Variants in SDK1 observed in about 807,000 individuals in gnomAD.
The protein encoded by SDK1 is protein sidekick-1.
A neutral mutation model predicts 245.5 loss-of-function variants in SDK1; 157 were observed. That is an observed-to-expected ratio of 0.64 (90% CI 0.56 to 0.73). The LOEUF (loss-of-function observed/expected upper bound fraction) is 0.73, where lower values mean the gene tolerates loss of function less well. SDK1 is among the 30% of genes least tolerant of loss of function. SDK1 has a pLI of 0.00. For missense variants in SDK1, 3,583 were observed against 3,002.3 expected, an observed-to-expected ratio of 1.19 and a Z score of -4.52; for synonymous variants, 1,647 against 1,278.5, an observed-to-expected ratio of 1.29 and a Z score of -6.15.
chr7:3,711,375 G>C (rs187829655), intron 4 of SDK1, among the ~76,000 whole-genome samples: 1 of 152,188 alleles, frequency 6.6e-6, no homozygotes, highest in African/African-American at 2.4e-5. Context: ...CTCTGACCTC[G>C]TAAAATTTAC....
chr7:3,696,965 G>T (rs1318998073), intron 4 of SDK1, among the ~76,000 whole-genome samples: 1 of 151,740 alleles, frequency 6.6e-6, no homozygotes, highest in Non-Finnish European at 1.5e-5. Context: ...CTTGTTTATG[G>T]AATGGTAGTG....
chr7:4,234,830 G>A (rs990118321), intron 41 of SDK1, among the ~76,000 whole-genome samples: 3 of 152,300 alleles, frequency 2.0e-5, no homozygotes, highest in African/African-American at 7.2e-5. Context: ...TTGAGGAGAG[G>A]GGATCTCAGC....
At chr7:3,458,245 C>A (rs1056164437) in intron 1 of SDK1, among the ~76,000 whole-genome samples, 3 of 151,792 alleles carry the variant, frequency 2.0e-5, no homozygotes, top group Non-Finnish European at 2.9e-5. Context: ...ATATTATTTT[C>A]CCAGAAAGAA....
At chr7:3,359,522 T>A (rs185659582) in intron 1 of SDK1, among the ~76,000 whole-genome samples, 1 of 152,086 alleles carries the variant, frequency 6.6e-6, no homozygotes, top group East Asian at 1.9e-4. Flanking sequence ...GATTGTCTAT[T>A]TTTGCTTGTT....
intron 1 of SDK1, among the ~76,000 whole-genome samples, chr7:3,339,460 T>C (rs1296916466): frequency 6.6e-6 from 1 of 152,084 alleles, no homozygotes; most frequent in Non-Finnish European, 1.5e-5. Flanking sequence ...TTTAGAACAA[T>C]TTACCCGAAA....
intron 1 of SDK1, among the ~76,000 whole-genome samples, chr7:3,581,771 A>G (rs771233678): frequency 2.0e-5 from 3 of 152,344 alleles, no homozygotes; most frequent in East Asian, 1.9e-4. Context: ...GTTAGACTGG[A>G]TAAAGAAAAT....
At chr7:4,128,170 G>A (rs960865697) in intron 26 of SDK1, among the ~76,000 whole-genome samples, 1 of 152,178 alleles carries the variant, frequency 6.6e-6, no homozygotes, top group African/African-American at 2.4e-5. Flanking sequence ...ATCAGAATGA[G>A]CTGTTTCGGA....
At chr7:3,959,907 G>A (rs1250713324) in intron 8 of SDK1, among the ~76,000 whole-genome samples, 1 of 151,838 alleles carries the variant, frequency 6.6e-6, no homozygotes, top group African/African-American at 2.4e-5. Flanking sequence ...GTCTCATGTC[G>A]GGCAGCACAG....
intron 4 of SDK1, among the ~76,000 whole-genome samples, chr7:3,743,557 C>A (rs895678449): frequency 6.6e-6 from 1 of 152,136 alleles, no homozygotes; most frequent in Admixed American, 6.5e-5. Context: ...TCTACTTTAC[C>A]AGAATGGGTG....
intron 5 of SDK1, among the ~76,000 whole-genome samples, chr7:3,835,590 C>A (rs1375467610): frequency 1.3e-5 from 2 of 152,208 alleles, no homozygotes; most frequent in Non-Finnish European, 2.9e-5. Flanking sequence ...CTTACCTATC[C>A]TATCCTGAAC....
At chr7:3,526,976 A>T (rs1194015489) in intron 1 of SDK1, among the ~76,000 whole-genome samples, 1 of 152,130 alleles carries the variant, frequency 6.6e-6, no homozygotes, top group Non-Finnish European at 1.5e-5. Context: ...ACTTGCTATA[A>T]ATCTACCTTC....
At chr7:3,669,558 CTCT>C (rs1583290389) in intron 4 of SDK1, among the ~76,000 whole-genome samples, 3 of 152,072 alleles carry the variant, frequency 2.0e-5, no homozygotes, top group African/African-American at 4.8e-5. Context: ...TTTTCTGGCT[CTCT>C]TCTTCTTAGA....
chr7:4,105,597 G>A (rs529663737), intron 22 of SDK1, among the ~76,000 whole-genome samples: 4 of 152,200 alleles, frequency 2.6e-5, no homozygotes, highest in Non-Finnish European at 2.9e-5. Context: ...GAGCCACCAC[G>A]CCTGGCCTGG....
At chr7:3,969,119 T>C in intron 10 of SDK1, 138 bp from the exon 11 acceptor site, 1 of 707,896 alleles carries the variant, frequency 1.4e-6, no homozygotes, top group Non-Finnish European at 2.2e-6. Flanking sequence ...TCCCCCGACG[T>C]GGGGATTGCA....
At chr7:3,708,268 C>T (rs990896937) in intron 4 of SDK1, among the ~76,000 whole-genome samples, 1 of 152,072 alleles carries the variant, frequency 6.6e-6, no homozygotes, top group African/African-American at 2.4e-5. Flanking sequence ...CATGAGAAAC[C>T]CACCTCCAAG....
intron 22 of SDK1, among the ~76,000 whole-genome samples, chr7:4,088,070 G>C (rs1469349604): frequency 6.6e-6 from 1 of 152,140 alleles, no homozygotes; most frequent in Non-Finnish European, 1.5e-5. Context: ...TCACAGATGA[G>C]ACATCAAGGT....
At position 4,119,783 on chromosome 7, in the gene SDK1, A is replaced by G. The variant is rs948057371; in HGVS notation, c.3823+5509A>G. Among the ~76,000 whole-genome samples, 7 of 149,092 alleles carry G rather than the reference A, an allele frequency of 4.7e-5. 1 individual carries two copies. Among genetic ancestry groups the G allele is most frequent in the Non-Finnish European group, 1.0e-4 (7 of 66,804 alleles). On this transcript the variant is annotated intron_variant, in intron 25 of 44. Coordinates refer to ENST00000404826, the MANE Select transcript of SDK1 (RefSeq NM_152744.4). ...TTTTTAAAGATGAATCACAATTGTC[A>G]AGCACACAGGCAATGATTTGCCATG... is the stretch of plus-strand genomic sequence containing the variant.
intron 1 of SDK1, among the ~76,000 whole-genome samples, chr7:3,577,379 C>T (rs930975577): frequency 4.6e-5 from 7 of 152,046 alleles, no homozygotes; most frequent in African/African-American, 1.7e-4. Flanking sequence ...GCCTGAGCGT[C>T]ATAGCATCAG....
intron 1 of SDK1, among the ~76,000 whole-genome samples, chr7:3,303,674 CA>C (rs1184941436): frequency 1.3e-5 from 2 of 152,108 alleles, no homozygotes; most frequent in Non-Finnish European, 2.9e-5. Context: ...TGTAAAATTT[CA>C]GATAGGTTGT....
Sources: gnomAD v4.1 joint callset for allele counts (sites outside exome capture counted in the v4.1 genomes callset) on GRCh38, gnomAD v4.1.1 for gene constraint, MANE v1.5 for transcripts, NCBI Gene and HGNC (gene_info 2026-07-23, HGNC 2026-07-21) for gene names.